Variants in GCNT2 observed in about 807,000 individuals in gnomAD.
GCNT2 encodes the protein N-acetyllactosaminide beta-1,6-N-acetylglucosaminyl-transferase.
Under a neutral mutation model 34.2 loss-of-function variants are expected in GCNT2, and 34 were observed. The ratio of observed to expected loss-of-function variants is 1.00; its 90% CI spans 0.76 to 1.32. GCNT2 has a LOEUF of 1.32. Ranked by LOEUF, GCNT2 falls within the 40% of genes most tolerant of loss-of-function variation. The pLI, the probability that GCNT2 is intolerant of heterozygous loss-of-function variation, is 0.00. For missense variants in GCNT2, 584 were observed against 489.4 expected, an observed-to-expected ratio of 1.19 and a Z score of -1.82; for synonymous variants, 212 against 188.0, an observed-to-expected ratio of 1.13 and a Z score of -1.04.
rs200551339 is a variant in GCNT2 at position 10,524,842 on chromosome 6, AAAAAG to A, written c.-468-2626_-468-2622del. ...AAAACTCTGTCCCCCACCCCCCAAA[AAAAAG>A]AAAAGGAAAGAAAGAAAAGAAAAAG... On this transcript the variant is annotated intron_variant, in intron 1 of 4. Coordinates refer to ENST00000495262, the MANE Select transcript of GCNT2 (RefSeq NM_145649.5). 6.0e-3 allele frequency among the ~76,000 whole-genome samples: 832 copies of A among 139,472 alleles called. 10 individuals are homozygous for A. Among genetic ancestry groups the A allele is most frequent in the African/African-American group, 0.02 (758 of 38,794 alleles). 91.5% of individuals were successfully genotyped at this position (139,472 alleles called of 152,430 possible).
rs1301478735 is a variant in GCNT2, at chr6:10,529,598, T to C, written c.687T>C (p.Thr229=). 1 of 1,614,080 alleles carries C rather than the reference T, an allele frequency of 6.2e-7. No individual in the cohort carries two copies. Among genetic ancestry groups the C allele is most frequent in the Non-Finnish European group, 8.5e-7 (1 of 1,179,948 alleles). ...VLPPDHAVGR[T]KYVHQELLNH... Reference sequence around the variant, plus strand: ...CTCCTGACCACGCTGTTGGACGGACTAAATACGTCCACCAAGAACTGTTAA... The same window carrying C: ...CTCCTGACCACGCTGTTGGACGGACCAAATACGTCCACCAAGAACTGTTAA... The change falls in exon 3 of 5, where the codon ACT becomes ACC. Residue 229 remains threonine, a synonymous_variant. Transcript: ENST00000495262.
At position 10,529,684 on chromosome 6, in the gene GCNT2, T is replaced by C; in HGVS notation, c.773T>C (p.Met258Thr). 1 of 1,614,068 alleles carries C rather than the reference T, an allele frequency of 6.2e-7. No homozygotes were observed. The highest frequency in any genetic ancestry group is 1.1e-5 in the South Asian group (1 of 91,076). Reference sequence around the variant, plus strand: ...TTAAAAACTCCTCCTCCTCATGACATGGTGATTTACTTTGGCACGGCCTAC... The same window carrying C: ...TTAAAAACTCCTCCTCCTCATGACACGGTGATTTACTTTGGCACGGCCTAC... ...TKLKTPPPHD[M>T]VIYFGTAYVA... The change falls in exon 3 of 5, where the codon ATG becomes ACG. Residue 258 changes from methionine (M) to threonine (T), a missense_variant. By Grantham distance (81) the Met-to-Thr change is moderately conservative. Transcript: ENST00000495262.
chr6:10,530,937 C>G (rs1761457674), intron 3 of GCNT2, among the ~76,000 whole-genome samples: 1 of 151,840 alleles, frequency 6.6e-6, no homozygotes, highest in African/African-American at 2.4e-5. Context: ...GCCTGTAATC[C>G]CAGCTTCTCA....
intron 3 of GCNT2, among the ~76,000 whole-genome samples, chr6:10,562,991 T>C (rs1299665065): frequency 1.3e-5 from 2 of 152,146 alleles, no homozygotes; most frequent in African/African-American, 4.8e-5. Flanking sequence ...AAACCCTACC[T>C]CTACTAAATA....
chr6:10,529,321 A>G lies in GCNT2; in HGVS notation c.410A>G (p.Lys137Arg). Residue 137 changes from lysine (K) to arginine (R), a missense_variant, in exon 3 of 5, where the codon AAA becomes AGA. Coordinates refer to ENST00000495262, the MANE Select transcript of GCNT2 (RefSeq NM_145649.5). ...GATCAGAAGGCGACGGATGCCTTTA[A>G]AGGTGCAGTGAAACAGTTACTCAGC... ...HLDQKATDAF[K>R]GAVKQLLSCF... 6.2e-7 allele frequency: 1 copy of G among 1,614,094 alleles called. No homozygotes were observed. Among genetic ancestry groups the G allele is most frequent in the East Asian group, 2.2e-5 (1 of 44,872 alleles).
intron 3 of GCNT2, chr6:10,582,027 A>G (rs182045318): frequency 6.1e-4 from 110 of 179,402 alleles, no homozygotes; most frequent in African/African-American, 2.6e-3. Context: ...TGTATATATC[A>G]TATGTATTAT....
At chr6:10,569,849 C>T (rs1017521157) in intron 3 of GCNT2, among the ~76,000 whole-genome samples, 2 of 146,048 alleles carry the variant, frequency 1.4e-5, no homozygotes, top group Non-Finnish European at 3.1e-5. Flanking sequence ...TCCTTCCTTT[C>T]TCTTTCTTTC....
At position 10,568,739 on chromosome 6, in the gene GCNT2, T is replaced by C. The variant is rs574897190; in HGVS notation, c.925+38903T>C. Among the ~76,000 whole-genome samples, 3 of 152,256 alleles carry C rather than the reference T, an allele frequency of 2.0e-5. No individual in the cohort carries two copies. The East Asian group carries it at 5.8e-4, about 30-fold the overall frequency. ...CCACCGTCAACTCCCATTGCTGCCT[T>C]CCCTGAAAGGAACCCTTCAGAAAAA... On this transcript the variant is annotated intron_variant, in intron 3 of 4. Coordinates refer to ENST00000495262, the MANE Select transcript of GCNT2 (RefSeq NM_145649.5).
At chr6:10,559,561 A>G (rs1396550822) in intron 3 of GCNT2, among the ~76,000 whole-genome samples, 1 of 152,240 alleles carries the variant, frequency 6.6e-6, no homozygotes, top group African/African-American at 2.4e-5. Context: ...GCCTAGAACA[A>G]TGTAAAGACC....
intron 3 of GCNT2, chr6:10,556,259 C>A: frequency 6.8e-7 from 1 of 1,475,176 alleles, no homozygotes; most frequent in East Asian, 2.5e-5. Context: ...GGGACAGAGA[C>A]AGCAGCTGGA....
At chr6:10,544,622 T>A (rs1762183282) in intron 3 of GCNT2, among the ~76,000 whole-genome samples, 1 of 149,264 alleles carries the variant, frequency 6.7e-6, no homozygotes, top group Admixed American at 6.7e-5. Context: ...ATACATAAAA[T>A]AAAATAAAAT....
intron 3 of GCNT2, among the ~76,000 whole-genome samples, chr6:10,598,838 A>G (rs1764967616): frequency 1.3e-5 from 2 of 152,108 alleles, no homozygotes; most frequent in Non-Finnish European, 2.9e-5. Flanking sequence ...GAGGCTAATT[A>G]TGTTCTCTCT....
intron 3 of GCNT2, among the ~76,000 whole-genome samples, chr6:10,562,462 A>G (rs1357992394): frequency 6.6e-6 from 1 of 152,050 alleles, no homozygotes; most frequent in Non-Finnish European, 1.5e-5. Flanking sequence ...TCACACCGGT[A>G]GTCCCAGCAC....
Position 10,628,771 on chromosome 6 carries a change from A to C in GCNT2, c.*2164A>C, listed in dbSNP as rs1581503057. Reference sequence around the variant, plus strand: ...CGTGGTGGCTCACACCTGTAATCCCAACACTTTGGGAGGCCAAGGCAGGTA... The same window carrying C: ...CGTGGTGGCTCACACCTGTAATCCCCACACTTTGGGAGGCCAAGGCAGGTA... On this transcript the variant is annotated 3_prime_UTR_variant, in exon 5 of 5. Transcript: ENST00000495262. 1 of 152,536 alleles carries C rather than the reference A, an allele frequency of 6.6e-6. No homozygotes were observed. The highest frequency in any genetic ancestry group is 1.9e-4 in the East Asian group (1 of 5,190). 9.4% of individuals were successfully genotyped at this position (152,536 alleles called of 1,614,324 possible). A position where few individuals can be genotyped will look rare whatever the true frequency, so the allele number is the denominator to read the frequency against.
intron 3 of GCNT2, among the ~76,000 whole-genome samples, chr6:10,549,625 G>A (rs934688173): frequency 4.7e-5 from 6 of 127,428 alleles, no homozygotes; most frequent in African/African-American, 1.8e-4. Context: ...AGGTTGGAGT[G>A]TAGTGGCACA....
At chr6:10,556,474 T>A in intron 3 of GCNT2, 1 of 1,613,958 alleles carries the variant, frequency 6.2e-7, no homozygotes, top group South Asian at 1.1e-5. Context: ...CTAGTGTAAT[T>A]ATTTTTATCG....
intron 1 of GCNT2, 135 bp downstream of exon 1, chr6:10,521,552 G>A (rs561505010): frequency 4.6e-5 from 7 of 152,346 alleles, no homozygotes; most frequent in African/African-American, 1.4e-4. Flanking sequence ...GGGCTGCGTG[G>A]ATGTTTTATA....
intron 3 of GCNT2, among the ~76,000 whole-genome samples, chr6:10,545,108 A>G (rs1484744787): frequency 3.9e-5 from 6 of 152,110 alleles, no homozygotes; most frequent in African/African-American, 1.4e-4. Context: ...TTAAGAATCA[A>G]GTGGGTACAG....
In GCNT2 at chr6:10,562,459, G is replaced by A. The variant is rs374166241; in HGVS notation, c.925+32623G>A. Among the ~76,000 whole-genome samples the A allele has an allele frequency of 5.3e-5, 8 of 151,962 alleles. No individual in the cohort carries two copies. The East Asian group carries it at 7.8e-4, about 15-fold the overall frequency. On this transcript the variant is annotated intron_variant, in intron 3 of 4. Coordinates refer to ENST00000495262, the MANE Select transcript of GCNT2 (RefSeq NM_145649.5). ...CTGGTTGGGCACGGTGGCTCACACC[G>A]GTAGTCCCAGCACTTTTTGAGGCCC...
Sources: allele counts gnomAD v4.1 joint callset (sites outside exome capture counted in the v4.1 genomes callset), GRCh38; gene constraint gnomAD v4.1.1; transcripts MANE v1.5; gene names NCBI Gene and HGNC (gene_info 2026-07-23, HGNC 2026-07-21).